Variants in PPIP5K2 observed in about 807,000 individuals in gnomAD.
PPIP5K2 encodes inositol hexakisphosphate and diphosphoinositol-pentakisphosphate kinase 2.
A neutral mutation model predicts 154.6 loss-of-function variants in PPIP5K2; 105 were observed. The ratio of observed to expected loss-of-function variants is 0.68; its 90% CI spans 0.58 to 0.80. The LOEUF (loss-of-function observed/expected upper bound fraction) is 0.80. Ranked by LOEUF, PPIP5K2 falls within the 30% of genes least tolerant of loss-of-function variation. The pLI, the probability that PPIP5K2 is intolerant of heterozygous loss-of-function variation, is 0.00. For synonymous variants in PPIP5K2, 480 were observed against 490.3 expected, an observed-to-expected ratio of 0.98 and a Z score of 0.28; for missense variants, 992 against 1,504.6, an observed-to-expected ratio of 0.66 and a Z score of 5.64.
intron 5 of PPIP5K2, among the ~76,000 whole-genome samples, chr5:103,140,836 CAAAAAAA>C (rs34150862): frequency 1.1e-5 from 1 of 88,170 alleles, no homozygotes; most frequent in African/African-American, 3.8e-5. Context: ...GACTCCGTCT[CAAAAAAA>C]AAAAAAAAAA....
intron 5 of PPIP5K2, among the ~76,000 whole-genome samples, chr5:103,145,782 C>CAGTT (rs58183132): frequency 0.32 from 48,491 of 151,490 alleles, 7,959 homozygotes; most frequent in East Asian, 0.45. Flanking sequence ...TATAGCAACA[C>CAGTT]AGATAGAATA....
chr5:103,195,164 G>A (rs1580473705), intron 30 of PPIP5K2, 139 bp downstream of exon 30: 1 of 1,050,566 alleles, frequency 9.5e-7, no homozygotes, highest in Non-Finnish European at 1.3e-6. Flanking sequence ...GTTAAAAATC[G>A]ATTATTGTAG....
intron 17 of PPIP5K2, among the ~76,000 whole-genome samples, chr5:103,164,351 T>C (rs1796815828): frequency 6.6e-6 from 1 of 152,068 alleles, no homozygotes; most frequent in South Asian, 2.1e-4. Flanking sequence ...TTATTTTCCA[T>C]TTGATTAATT....
At chr5:103,121,357 G>A (rs1788692429) in intron 1 of PPIP5K2, among the ~76,000 whole-genome samples, 1 of 152,182 alleles carries the variant, frequency 6.6e-6, no homozygotes. Flanking sequence ...ATTCCAGGAG[G>A]TATGTTAGAT....
intron 4 of PPIP5K2, among the ~76,000 whole-genome samples, chr5:103,137,709 A>G (rs572670624): frequency 3.3e-5 from 5 of 152,276 alleles, no homozygotes; most frequent in South Asian, 2.1e-4. Flanking sequence ...CTTTGTAAAT[A>G]TGAGACCTTA....
chr5:103,137,152 A>C lies in PPIP5K2; in HGVS notation c.401+330A>C, dbSNP rs562442470. On this transcript the variant is annotated intron_variant, in intron 4 of 30. Coordinates refer to ENST00000358359, the MANE Select transcript of PPIP5K2 (RefSeq NM_001276277.3). ...TGATGATGAAATTAGGACTTTACTCATTATAACTAGATTTTTTTTTTTTTT... is the reference window on the plus strand; with the variant it reads ...TGATGATGAAATTAGGACTTTACTCCTTATAACTAGATTTTTTTTTTTTTT... 1.2e-3 allele frequency among the ~76,000 whole-genome samples: 186 copies of C among 151,380 alleles called. 1 individual carries two copies. Among genetic ancestry groups the C allele is most frequent in the Non-Finnish European group, 1.5e-4 (10 of 67,846 alleles).
intron 5 of PPIP5K2, among the ~76,000 whole-genome samples, chr5:103,140,761 C>T (rs1355629482): frequency 4.0e-5 from 6 of 149,854 alleles, no homozygotes; most frequent in African/African-American, 7.4e-5. Context: ...GGCGTGAACC[C>T]GGAAGGCGGA....
rs71620680 is a variant in PPIP5K2 at position 103,137,163 on chromosome 5, A to AT, written c.401+358dup. Among the ~76,000 whole-genome samples the AT allele has an allele frequency of 7.1e-3, 995 of 139,882 alleles. 7 individuals are homozygous for AT. Among genetic ancestry groups the AT allele is most frequent in the Middle Eastern group, 0.027 (7 of 262 alleles). 91.8% of individuals were successfully genotyped at this position (139,882 alleles called of 152,430 possible). A position where few individuals can be genotyped will look rare whatever the true frequency, so the allele number is the denominator to read the frequency against. ...TTAGGACTTTACTCATTATAACTAG[A>AT]TTTTTTTTTTTTTTTTTGAGATGGA... On this transcript the variant is annotated intron_variant, in intron 4 of 30. Transcript: ENST00000358359.
chr5:103,180,767 G>A (rs1029923190), intron 24 of PPIP5K2, among the ~76,000 whole-genome samples: 3 of 150,790 alleles, frequency 2.0e-5, no homozygotes, highest in Non-Finnish European at 3.0e-5. Flanking sequence ...GGAGAATGAC[G>A]TGAATCCAGG....
intron 5 of PPIP5K2, among the ~76,000 whole-genome samples, chr5:103,139,980 GAGAA>G (rs1322301011): frequency 6.6e-6 from 1 of 152,136 alleles, no homozygotes; most frequent in Non-Finnish European, 1.5e-5. Flanking sequence ...ATAGCCAGAG[GAGAA>G]AGAGAGGAAA....
intron 20 of PPIP5K2, 50 bp from the exon 21 acceptor site, chr5:103,173,808 A>C (rs1562468738): frequency 3.5e-6 from 4 of 1,140,890 alleles, no homozygotes; most frequent in Non-Finnish European, 5.1e-6. Context: ...ATATTTAGTG[A>C]GTTTTTGATT....
intron 30 of PPIP5K2, among the ~76,000 whole-genome samples, chr5:103,195,809 T>C (rs546945355): frequency 6.6e-6 from 1 of 152,328 alleles, no homozygotes; most frequent in East Asian, 1.9e-4. Flanking sequence ...AACAGCCTCA[T>C]TGCAGATGTC....
intron 5 of PPIP5K2, 71 bp from the exon 6 acceptor site, chr5:103,146,456 G>A (rs569538153): frequency 2.0e-4 from 287 of 1,436,690 alleles, no homozygotes; most frequent in African/African-American, 1.7e-3. Flanking sequence ...AAAAGTCCTC[G>A]ATAATAATGT....
At chr5:103,176,784 G>A (rs782674656) in intron 21 of PPIP5K2, 2 of 801,910 alleles carry the variant, frequency 2.5e-6, no homozygotes, top group Non-Finnish European at 3.7e-6. Context: ...TTTTCAGATA[G>A]AATTTTCTAC....
At chr5:103,161,311 A>G (rs1408323444) in intron 17 of PPIP5K2, among the ~76,000 whole-genome samples, 1 of 152,202 alleles carries the variant, frequency 6.6e-6, no homozygotes, top group African/African-American at 2.4e-5. Flanking sequence ...ATGGCTGCAT[A>G]GTATTCCATG....
intron 25 of PPIP5K2, among the ~76,000 whole-genome samples, 175 bp downstream of exon 25, chr5:103,183,582 A>C (rs1297143685): frequency 6.6e-6 from 1 of 152,152 alleles, no homozygotes; most frequent in Non-Finnish European, 1.5e-5. Flanking sequence ...AAGGGAAAGA[A>C]ATCACTTACA....
intron 1 of PPIP5K2, among the ~76,000 whole-genome samples, chr5:103,121,001 G>T (rs1476067217): frequency 1.3e-5 from 2 of 152,158 alleles, no homozygotes; most frequent in African/African-American, 4.8e-5. Flanking sequence ...TTTGGAGGTC[G>T]TTGCAGCCTT....
intron 17 of PPIP5K2, among the ~76,000 whole-genome samples, chr5:103,161,143 T>A (rs190732013): frequency 0.016 from 2,268 of 140,682 alleles, 54 homozygotes; most frequent in African/African-American, 0.059. Context: ...CAGTGTATGA[T>A]GTTCCCCTTC....
At chr5:103,181,341 G>T (rs1419377229) in intron 24 of PPIP5K2, among the ~76,000 whole-genome samples, 1 of 152,044 alleles carries the variant, frequency 6.6e-6, no homozygotes, top group African/African-American at 2.4e-5. Context: ...GCCGAGGTGG[G>T]TGGATCACCT....
Sources: allele counts gnomAD v4.1 joint callset (sites outside exome capture counted in the v4.1 genomes callset), GRCh38; gene constraint gnomAD v4.1.1; transcripts MANE v1.5; gene names NCBI Gene and HGNC (gene_info 2026-07-23, HGNC 2026-07-21).